The following TPP2 variants were observed in gnomAD, a reference collection of about 807,000 sequenced individuals.
TPP2 encodes the protein tripeptidyl peptidase 2, also known as tripeptidyl-peptidase 2.
In TPP2, 34 loss-of-function variants were observed where a neutral mutation model predicts 155.9. The observed-to-expected ratio is 0.22, with a 90% CI of 0.17 to 0.29. The LOEUF is 0.29. TPP2 is among the 10% of genes least tolerant of loss of function. TPP2 has a pLI of 1.00. For missense variants in TPP2, 1,028 were observed against 1,522.3 expected (o/e 0.68, Z 5.40); for synonymous variants, 510 against 529.4 (o/e 0.96, Z 0.50).
chr13:102,614,800 A>G (rs1595142413), intron 3 of TPP2, among the ~76,000 whole-genome samples: 1 of 152,232 alleles, frequency 6.6e-6, no homozygotes, highest in Non-Finnish European at 1.5e-5. Flanking sequence ...TGAAATGTTC[A>G]GTTTCTGCTC....
chr13:102,643,102 T>C lies in TPP2; in HGVS notation c.2021-120T>C, dbSNP rs1452520192. ...ATGCAGATTTGAGTGTACATTTTAT[T>C]TTTGATCCCTATTATGTCCCTACAT... On this transcript the variant is annotated intron_variant, in intron 16 of 29. Coordinates refer to ENST00000376052, the MANE Select transcript of TPP2 (RefSeq NM_001330588.2). The C allele has an allele frequency of 3.5e-6, 3 of 856,236 alleles. No individual in the cohort carries two copies. In the East Asian group the frequency reaches 9.8e-5, roughly 28 times the overall value. The allele number at this position is 856,236 out of a possible 1,614,324, so 53.0% of individuals were successfully genotyped here.
chr13:102,614,303 T>C, intron 3 of TPP2, 107 bp downstream of exon 3: 5 of 1,036,306 alleles, frequency 4.8e-6, no homozygotes, highest in Non-Finnish European at 6.8e-6. Flanking sequence ...TCTCATTAAC[T>C]TAGTTTTTTG....
chr13:102,598,068 G>T (rs1276758394), intron 1 of TPP2, among the ~76,000 whole-genome samples: 1 of 152,034 alleles, frequency 6.6e-6, no homozygotes, highest in Admixed American at 6.5e-5. Context: ...GTAGATTCAA[G>T]GTATCATACC....
intron 1 of TPP2, among the ~76,000 whole-genome samples, chr13:102,600,371 A>G (rs1879337876): frequency 1.3e-5 from 2 of 152,184 alleles, no homozygotes; most frequent in Admixed American, 6.5e-5. Context: ...TGGAAAATCA[A>G]CTGATTTAAT....
rs1295648842 is a variant in TPP2, at chr13:102,618,818, T to G, written c.592T>G (p.Leu198Val). Reference sequence around the variant, plus strand: ...CGATCCTGGCCCTGTATATGACTGCTTGGTATGGCATGATGGCGAAGTCTG... The same window carrying G: ...CGATCCTGGCCCTGTATATGACTGCGTGGTATGGCATGATGGCGAAGTCTG... ...YSDPGPVYDC[L>V]VWHDGEVWRA... Residue 198 changes from leucine to valine, a missense_variant, in exon 5 of 30, where the codon TTG becomes GTG. By Grantham distance (32) the Leu-to-Val change is conservative. Coordinates refer to ENST00000376052, the MANE Select transcript of TPP2 (RefSeq NM_001330588.2). The G allele has an allele frequency of 1.2e-6, 2 of 1,612,612 alleles. No individual in the cohort carries two copies. The highest frequency in any genetic ancestry group is 1.7e-6 in the Non-Finnish European group (2 of 1,179,536).
chr13:102,608,666 C>T (rs1390971760), intron 2 of TPP2, among the ~76,000 whole-genome samples: 1 of 152,028 alleles, frequency 6.6e-6, no homozygotes, highest in African/African-American at 2.4e-5. Context: ...AACATTTTAT[C>T]TCTGAGATAA....
intron 6 of TPP2, among the ~76,000 whole-genome samples, chr13:102,626,742 T>C (rs755764880): frequency 6.6e-6 from 1 of 152,248 alleles, no homozygotes; most frequent in Non-Finnish European, 1.5e-5. Context: ...TATCTTCTTT[T>C]ATAAAATGCT....
Position 102,627,041 on chromosome 13 carries a change from G to A in TPP2, c.814G>A (p.Ala272Thr). 6.3e-7 allele frequency: 1 copy of A among 1,597,450 alleles called. No homozygotes were observed. Among genetic ancestry groups the A allele is most frequent in the South Asian group, 1.1e-5 (1 of 88,186 alleles). The change falls in exon 7 of 30, where the codon GCT becomes ACT. Residue 272 changes from alanine (A) to threonine (T), a missense_variant. Around this residue, in one of 7 missense-constraint regions of TPP2, gnomAD observed 300 missense variants for 398.3 expected, o/e 0.75. Coordinates refer to ENST00000376052, the MANE Select transcript of TPP2 (RefSeq NM_001330588.2). ...TCATGGGACACATGTAGCTAGTATA[G>A]CTGCTGGACACTTTCCAGAAGAACC... ...GAHGTHVASI[A>T]AGHFPEEPER...
rs1345772326 is a variant in TPP2, at chr13:102,643,257, G to A, written c.2056G>A (p.Ala686Thr). Residue 686 changes from alanine to threonine, a missense_variant, in exon 17 of 30, where the codon GCA becomes ACA. By Grantham distance (58) the Ala-to-Thr change is moderately conservative. Coordinates refer to ENST00000376052, the MANE Select transcript of TPP2 (RefSeq NM_001330588.2). ...GTGTTCGTGTTCTTCTGAGGTGTCA[G>A]CAAAGTTTGTTCTACATGCAGTCCA... ...TVCSCSSEVSAKFVLHAVQLV... is the reference protein window; with the variant it reads ...TVCSCSSEVSTKFVLHAVQLV... 1 of 1,608,860 alleles carries A rather than the reference G, an allele frequency of 6.2e-7. No individual in the cohort carries two copies. The highest frequency in any genetic ancestry group is 8.5e-7 in the Non-Finnish European group (1 of 1,178,324).
At chr13:102,676,208 C>T in intron 28 of TPP2, 88 bp from the exon 29 acceptor site, 1 of 1,234,692 alleles carries the variant, frequency 8.1e-7, no homozygotes, top group Non-Finnish European at 1.1e-6. Flanking sequence ...AGCTACACTT[C>T]TGTTAAAGCC....
intron 10 of TPP2, 24 bp from the exon 11 acceptor site, chr13:102,633,926 A>C: frequency 6.2e-7 from 1 of 1,613,468 alleles, no homozygotes. Context: ...CATCCTAAGC[A>C]AACTTCAATG....
At position 102,649,187 on chromosome 13, in the gene TPP2, G is replaced by T. The variant is rs664660; in HGVS notation, c.2873+36G>T. On this transcript the variant is annotated intron_variant, in intron 22 of 29. Coordinates refer to ENST00000376052, the MANE Select transcript of TPP2 (RefSeq NM_001330588.2). ...ACATTGCTTATACTTACTGCCCATC[G>T]TATACACTGTAGTCCTTTTAATGTC... The T allele has an allele frequency of 0.87, 1,353,436 of 1,564,638 alleles. 587,053 individuals carry two copies. The highest frequency in any genetic ancestry group is 0.96 in the African/African-American group (70,614 of 73,302).
At chr13:102,656,963 A>G (rs1883898197) in intron 24 of TPP2, 93 bp from the exon 25 acceptor site, 3 of 1,331,166 alleles carry the variant, frequency 2.3e-6, no homozygotes, top group Non-Finnish European at 3.1e-6. Flanking sequence ...ACTTAGGTGC[A>G]GCCCATGTTA....
intron 24 of TPP2, among the ~76,000 whole-genome samples, chr13:102,652,450 AT>A (rs1883580718): frequency 5.0e-5 from 6 of 119,948 alleles, no homozygotes; most frequent in Non-Finnish European, 1.0e-4. Context: ...ATATATATAT[AT>A]ATAAAAGGGA....
At chr13:102,652,028 C>T (rs1248570486) in intron 24 of TPP2, among the ~76,000 whole-genome samples, 1 of 152,122 alleles carries the variant, frequency 6.6e-6, no homozygotes, top group South Asian at 2.1e-4. Flanking sequence ...ATTAAGCAAT[C>T]TTTGATTTAC....
chr13:102,647,546 G>A (rs1883197614), intron 21 of TPP2, among the ~76,000 whole-genome samples: 1 of 152,218 alleles, frequency 6.6e-6, no homozygotes, highest in Non-Finnish European at 1.5e-5. Flanking sequence ...CCATGTAGTT[G>A]TGCTGAATTA....
At chr13:102,653,512 C>A (rs1230549895) in intron 24 of TPP2, among the ~76,000 whole-genome samples, 2 of 152,144 alleles carry the variant, frequency 1.3e-5, no homozygotes, top group Non-Finnish European at 2.9e-5. Context: ...CCCACCTCAG[C>A]CTCCCTAGAG....
At chr13:102,626,013 C>A (rs1011460659) in intron 6 of TPP2, among the ~76,000 whole-genome samples, 3 of 152,166 alleles carry the variant, frequency 2.0e-5, no homozygotes, top group Non-Finnish European at 2.9e-5. Context: ...ACAAGTTGTA[C>A]AACTCTTTGA....
chr13:102,657,491 C>G (rs1220290247), intron 25 of TPP2, among the ~76,000 whole-genome samples: 1 of 151,632 alleles, frequency 6.6e-6, no homozygotes, highest in East Asian at 1.9e-4. Context: ...TCACTTTTGC[C>G]CACAATTCAT....
Sources: allele counts gnomAD v4.1 joint callset (sites outside exome capture counted in the v4.1 genomes callset), GRCh38; gene constraint gnomAD v4.1.1; regional missense constraint gnomAD v4.1.1; transcripts MANE v1.5; gene names NCBI Gene and HGNC (gene_info 2026-07-23, HGNC 2026-07-21).